The following FOXB1 variants were observed in gnomAD, a reference collection of about 807,000 sequenced individuals.
FOXB1 encodes forkhead box B1.
A neutral mutation model predicts 18.6 loss-of-function variants in FOXB1; 6 were observed. The ratio of observed to expected loss-of-function variants is 0.32; its 90% CI spans 0.18 to 0.64. FOXB1 has a LOEUF of 0.64. Among genes scored for constraint, FOXB1 ranks in the 30% least tolerant of loss-of-function variants. The pLI is 0.78. For missense variants in FOXB1, 419 were observed against 463.6 expected (o/e 0.90, Z 0.88); for synonymous variants, 213 against 216.0 (o/e 0.99, Z 0.12).
Position 60,005,446 on chromosome 15 carries a change from G to A in FOXB1, c.483G>A (p.Ala161=), listed in dbSNP as rs1435065903. 1 of 1,611,080 alleles carries A rather than the reference G, an allele frequency of 6.2e-7. No homozygotes were observed. The highest frequency in any genetic ancestry group is 2.2e-5 in the East Asian group (1 of 44,832). The stretch of plus-strand genomic sequence containing the variant: ...CCGCCTACAACTTGGGCGGCGTGGC[G>A]CAGCCCTCGGGCTTCAAGCACCCCT... The part of the protein sequence containing the change: ...PAAAYNLGGV[A]QPSGFKHPFA... Residue 161 remains alanine, a synonymous_variant, in exon 2 of 2, where the codon GCG becomes GCA. Transcript: ENST00000396057. The surrounding 1 kb of genome is among the most constrained non-coding windows in gnomAD (Gnocchi z 9.8).
At position 60,005,943 on chromosome 15, in the gene FOXB1, C is replaced by T. The variant is rs1168894941; in HGVS notation, c.*2C>T. ...TTGCACTCGGTGGCGGTGCACTGAC[C>T]CGCAGGAGCCCACGCCCCCTCTCGT... On this transcript the variant is annotated 3_prime_UTR_variant, in exon 2 of 2. Transcript: ENST00000396057. The surrounding 1 kb of genome is among the most constrained non-coding windows in gnomAD (Gnocchi z 9.8). 3 of 1,576,012 alleles carry T rather than the reference C, an allele frequency of 1.9e-6. No homozygotes were observed. The highest frequency in any genetic ancestry group is 2.6e-6 in the Non-Finnish European group (3 of 1,166,524).
rs1892092785 is a variant in FOXB1 at position 60,006,024 on chromosome 15, C to G, written c.*83C>G. Reference sequence around the variant, plus strand: ...TGGCTCCCAGTCCTGCCGGCCCCCACCTGGGACCGCCACCCTAACTTGTTC... The same window carrying G: ...TGGCTCCCAGTCCTGCCGGCCCCCAGCTGGGACCGCCACCCTAACTTGTTC... On this transcript the variant is annotated 3_prime_UTR_variant, in exon 2 of 2. Coordinates refer to ENST00000396057, the MANE Select transcript of FOXB1 (RefSeq NM_012182.3). 4 of 1,409,506 alleles carry G rather than the reference C, an allele frequency of 2.8e-6. No individual in the cohort carries two copies. The highest frequency in any genetic ancestry group is 3.8e-6 in the Non-Finnish European group (4 of 1,065,414). The allele number at this position is 1,409,506 out of a possible 1,614,324, so 87.3% of individuals were successfully genotyped here.
rs552014813 is a variant in FOXB1 at position 60,006,620 on chromosome 15, A to G, written c.*679A>G. ...GGCTCCAGGCGCTGGGAGTTAGGAA[A>G]GAGGCTGCCAAGCTGAGAAAGCGAC... On this transcript the variant is annotated 3_prime_UTR_variant, in exon 2 of 2. Transcript: ENST00000396057. The G allele has an allele frequency of 6.6e-6, 1 of 152,172 alleles. No individual in the cohort carries two copies. The highest frequency in any genetic ancestry group is 1.5e-5 in the Non-Finnish European group (1 of 68,044). 9.4% of individuals were successfully genotyped at this position (152,172 alleles called of 1,614,324 possible).
Position 60,006,485 on chromosome 15 carries a change from C to G in FOXB1, c.*544C>G, listed in dbSNP as rs532545886. The G allele has an allele frequency of 6.5e-6, 1 of 152,818 alleles. No individual in the cohort carries two copies. The highest frequency in any genetic ancestry group is 2.1e-4 in the South Asian group (1 of 4,846). The allele number at this position is 152,818 out of a possible 1,614,324, so 9.5% of individuals were successfully genotyped here. A position where few individuals can be genotyped will look rare whatever the true frequency, so the allele number is the denominator to read the frequency against. On this transcript the variant is annotated 3_prime_UTR_variant, in exon 2 of 2. Coordinates refer to ENST00000396057, the MANE Select transcript of FOXB1 (RefSeq NM_012182.3). Reference sequence around the variant, plus strand: ...ACTAATCTTCCTACCCCACTCGCCTCCGCCCATCCGGCAGGGGCTGGGCCG... The same window carrying G: ...ACTAATCTTCCTACCCCACTCGCCTGCGCCCATCCGGCAGGGGCTGGGCCG...
rs754792644 is a variant in FOXB1 at position 60,005,389 on chromosome 15, C to T, written c.426C>T (p.Ala142=). Reference sequence around the variant, plus strand: ...AGCTGCGGCTCAGCGCGCTGGCGGCCTCGGGCACGCACCTGCCACAGATGC... The same window carrying T: ...AGCTGCGGCTCAGCGCGCTGGCGGCTTCGGGCACGCACCTGCCACAGATGC... ...QAKLRLSALA[A]SGTHLPQMPA... is the part of the protein sequence containing the mutation. The change falls in exon 2 of 2, where the codon GCC becomes GCT. Residue 142 remains alanine, a synonymous_variant. Transcript: ENST00000396057. This position sits in a 1 kb window ranked among gnomAD's most constrained non-coding sequence, Gnocchi z 9.8. 1.9e-6 allele frequency: 3 copies of T among 1,600,562 alleles called. No individual in the cohort carries two copies. Among genetic ancestry groups the T allele is most frequent in the South Asian group, 2.2e-5 (2 of 90,010 alleles).
chr15:60,006,033 G>T lies in FOXB1; in HGVS notation c.*92G>T. On this transcript the variant is annotated 3_prime_UTR_variant, in exon 2 of 2. Coordinates refer to ENST00000396057, the MANE Select transcript of FOXB1 (RefSeq NM_012182.3). The stretch of plus-strand genomic sequence containing the variant: ...GTCCTGCCGGCCCCCACCTGGGACC[G>T]CCACCCTAACTTGTTCATTTCACCT... The T allele has an allele frequency of 7.2e-7, 1 of 1,395,888 alleles. No homozygotes were observed. The highest frequency in any genetic ancestry group is 1.4e-5 in the South Asian group (1 of 69,936). 86.5% of individuals were successfully genotyped at this position (1,395,888 alleles called of 1,614,324 possible). A position where few individuals can be genotyped will look rare whatever the true frequency, so the allele number is the denominator to read the frequency against.
chr15:60,005,013 C>A lies in FOXB1; in HGVS notation c.50C>A (p.Ser17Ter). 1 of 1,614,088 alleles carries A rather than the reference C, an allele frequency of 6.2e-7. No individual in the cohort carries two copies. Among genetic ancestry groups the A allele is most frequent in the Non-Finnish European group, 8.5e-7 (1 of 1,180,004 alleles). Residue 17 changes from serine to a stop codon, truncating the protein, a stop_gained, in exon 2 of 2, where the codon TCG becomes TAG. Transcript: ENST00000396057. LOFTEE classifies it high-confidence loss of function. This position sits in a 1 kb window ranked among gnomAD's most constrained non-coding sequence, Gnocchi z 9.8. ...TACAGCGACCAGAAGCCGCCCTACT[C>A]GTACATCTCGCTGACCGCTATGGCC... ...NTYSDQKPPYSYISLTAMAIQ... is the reference protein window; with the variant it reads ...NTYSDQKPPY
chr15:60,006,882 G>C lies in FOXB1; in HGVS notation c.*941G>C, dbSNP rs1269134616. On this transcript the variant is annotated 3_prime_UTR_variant, in exon 2 of 2. Coordinates refer to ENST00000396057, the MANE Select transcript of FOXB1 (RefSeq NM_012182.3). ...GGGATGTTAACTTTCCGATGACTTA[G>C]AGACCTTTTTAGCTATTTATTTTAT... The C allele has an allele frequency of 2.1e-5, 3 of 143,064 alleles. No homozygotes were observed. The highest frequency in any genetic ancestry group is 8.0e-5 in the African/African-American group (3 of 37,586). 8.9% of individuals were successfully genotyped at this position (143,064 alleles called of 1,614,324 possible). A position where few individuals can be genotyped will look rare whatever the true frequency, so the allele number is the denominator to read the frequency against.
rs1244670120 is a variant in FOXB1 at position 60,005,578 on chromosome 15, T to TACC, written c.617_619dup (p.Thr206dup). 1.2e-6 allele frequency: 2 copies of TACC among 1,608,642 alleles called. No homozygotes were observed. Among genetic ancestry groups the TACC allele is most frequent in the Non-Finnish European group, 1.7e-6 (2 of 1,178,196 alleles). On this transcript the variant is annotated inframe_insertion, in exon 2 of 2. Coordinates refer to ENST00000396057, the MANE Select transcript of FOXB1 (RefSeq NM_012182.3). The surrounding 1 kb of genome is among the most constrained non-coding windows in gnomAD (Gnocchi z 9.8). The stretch of plus-strand genomic sequence containing the variant: ...CCTACCCGCTCCCCAACCAGTTGAC[T>TACC]ACCATGGGCAGCTCGCTGGGCACCG...
At position 60,005,542 on chromosome 15, in the gene FOXB1, G is replaced by T. The variant is rs1376689175; in HGVS notation, c.579G>T (p.Pro193=). 6.8e-6 allele frequency: 11 copies of T among 1,609,370 alleles called. 1 individual carries two copies. The East Asian group carries it at 1.8e-4, about 26-fold the overall frequency. The part of the protein sequence containing the change: ...PGGLAFSAMQ[P]VPAAYPLPNQ... ...GGCTGGCCTTCTCCGCCATGCAGCC[G>T]GTGCCCGCTGCCTACCCGCTCCCCA... is the stretch of plus-strand genomic sequence containing the variant. Residue 193 remains proline (P), a synonymous_variant, in exon 2 of 2, where the codon CCG becomes CCT. Transcript: ENST00000396057. The surrounding 1 kb of genome is among the most constrained non-coding windows in gnomAD (Gnocchi z 9.8).
In FOXB1 at chr15:60,004,440, C is replaced by T. The variant is rs1892063935; in HGVS notation, c.-261C>T. 1 of 152,104 alleles carries T rather than the reference C, an allele frequency of 6.6e-6. No homozygotes were observed. Among genetic ancestry groups the T allele is most frequent in the African/African-American group, 2.4e-5 (1 of 41,398 alleles). 9.4% of individuals were successfully genotyped at this position (152,104 alleles called of 1,614,324 possible). ...CGCGCCGGGACTCCGCAGCCGAGCT[C>T]GGCCGCCCGCAGGACGCTCCAGGAG... On this transcript the variant is annotated 5_prime_UTR_variant, in exon 1 of 2. Coordinates refer to ENST00000396057, the MANE Select transcript of FOXB1 (RefSeq NM_012182.3).
Position 60,005,878 on chromosome 15 carries a change from C to A in FOXB1, c.915C>A (p.Pro305=). 6.3e-7 allele frequency: 1 copy of A among 1,598,138 alleles called. No homozygotes were observed. ...SSQTATSQSS[P]ATPSETLTSP... is the part of the protein sequence containing the mutation. Reference sequence around the variant, plus strand: ...AAACAGCCACCAGCCAAAGCAGCCCCGCCACCCCCAGCGAAACGCTCACCA... The same window carrying A: ...AAACAGCCACCAGCCAAAGCAGCCCAGCCACCCCCAGCGAAACGCTCACCA... The change falls in exon 2 of 2, where the codon CCC becomes CCA. Residue 305 remains proline (P), a synonymous_variant. Coordinates refer to ENST00000396057, the MANE Select transcript of FOXB1 (RefSeq NM_012182.3). This position sits in a 1 kb window ranked among gnomAD's most constrained non-coding sequence, Gnocchi z 9.8.
rs374559880 is a variant in FOXB1 at position 60,005,581 on chromosome 15, C to T, written c.618C>T (p.Thr206=). The change falls in exon 2 of 2, where the codon ACC becomes ACT. Residue 206 remains threonine (T), a synonymous_variant. Transcript: ENST00000396057. The surrounding 1 kb of genome is among the most constrained non-coding windows in gnomAD (Gnocchi z 9.8). ...ACCCGCTCCCCAACCAGTTGACTACCATGGGCAGCTCGCTGGGCACCGGCT... is the reference window on the plus strand; with the variant it reads ...ACCCGCTCCCCAACCAGTTGACTACTATGGGCAGCTCGCTGGGCACCGGCT... The part of the protein sequence containing the change: ...AAYPLPNQLT[T]MGSSLGTGWP... The T allele has an allele frequency of 7.7e-5, 124 of 1,608,684 alleles. No homozygotes were observed. Among genetic ancestry groups the T allele is most frequent in the Non-Finnish European group, 1.0e-4 (118 of 1,178,346 alleles).
In FOXB1 at chr15:60,007,065, C is replaced by G. The variant is rs1025158614; in HGVS notation, c.*1124C>G. ...TCCCACGGACAAGTCTTTCTGTTTG[C>G]TACCAGAACTTTTCCAAGAAGCTAA... On this transcript the variant is annotated 3_prime_UTR_variant, in exon 2 of 2. Transcript: ENST00000396057. 5.9e-5 allele frequency: 9 copies of G among 152,110 alleles called. No individual in the cohort carries two copies. Among genetic ancestry groups the G allele is most frequent in the Non-Finnish European group, 1.2e-4 (8 of 68,012 alleles). The allele number at this position is 152,110 out of a possible 1,614,324, so 9.4% of individuals were successfully genotyped here. A position where few individuals can be genotyped will look rare whatever the true frequency, so the allele number is the denominator to read the frequency against.
In FOXB1 at chr15:60,005,845, G is replaced by A; in HGVS notation, c.882G>A (p.Thr294=). 1 of 1,602,518 alleles carries A rather than the reference G, an allele frequency of 6.2e-7. No homozygotes were observed. The highest frequency in any genetic ancestry group is 8.5e-7 in the Non-Finnish European group (1 of 1,175,726). The change falls in exon 2 of 2, where the codon ACG becomes ACA. Residue 294 remains threonine, a synonymous_variant. Transcript: ENST00000396057. The surrounding 1 kb of genome is among the most constrained non-coding windows in gnomAD (Gnocchi z 9.8). Reference sequence around the variant, plus strand: ...ACTCGCCGCCCTCGCTCAGCCCCACGTCCTCGCAAACAGCCACCAGCCAAA... The same window carrying A: ...ACTCGCCGCCCTCGCTCAGCCCCACATCCTCGCAAACAGCCACCAGCCAAA... ...LSNSPPSLSP[T]SSQTATSQSS... is the part of the protein sequence containing the mutation.
In FOXB1 at chr15:60,007,325, T is replaced by C. The variant is rs999766579; in HGVS notation, c.*1384T>C. Reference sequence around the variant, plus strand: ...CAGAATTAGCGTGGCATTTTAAATATTGATGTTCTTGTTCCCAGCATGCCT... The same window carrying C: ...CAGAATTAGCGTGGCATTTTAAATACTGATGTTCTTGTTCCCAGCATGCCT... On this transcript the variant is annotated 3_prime_UTR_variant, in exon 2 of 2. Transcript: ENST00000396057. The C allele has an allele frequency of 3.3e-5, 5 of 152,202 alleles. 1 individual carries two copies. In the South Asian group the frequency reaches 8.3e-4, roughly 25 times the overall value. 9.4% of individuals were successfully genotyped at this position (152,202 alleles called of 1,614,324 possible).
chr15:60,005,874 GC>G lies in FOXB1; in HGVS notation c.915del (p.Ala306ProfsTer195). ...TCGCAAACAGCCACCAGCCAAAGCA[GC>G]CCCGCCACCCCCAGCGAAACGCTCA... ...TSSQTATSQS[S>X]PATPSETLTS... On this transcript the variant is annotated frameshift_variant, in exon 2 of 2. Transcript: ENST00000396057. LOFTEE classifies it high-confidence loss of function. The surrounding 1 kb of genome is among the most constrained non-coding windows in gnomAD (Gnocchi z 9.8). The G allele has an allele frequency of 6.3e-7, 1 of 1,597,582 alleles. No homozygotes were observed. The highest frequency in any genetic ancestry group is 2.3e-5 in the East Asian group (1 of 43,894).
rs981569012 is a variant in FOXB1, at chr15:60,006,257, C to A, written c.*316C>A. The A allele has an allele frequency of 4.4e-5, 18 of 409,948 alleles. No homozygotes were observed. Among genetic ancestry groups the A allele is most frequent in the Non-Finnish European group, 7.8e-5 (18 of 231,436 alleles). 25.4% of individuals were successfully genotyped at this position (409,948 alleles called of 1,614,324 possible). A position where few individuals can be genotyped will look rare whatever the true frequency, so the allele number is the denominator to read the frequency against. On this transcript the variant is annotated 3_prime_UTR_variant, in exon 2 of 2. Transcript: ENST00000396057. ...TTGACCGGCGGGGGAAACCCTGTCA[C>A]CCCCTCTTCGCCGAGAAAAGCGCGT...
At position 60,005,664 on chromosome 15, in the gene FOXB1, C is replaced by G; in HGVS notation, c.701C>G (p.Ala234Gly). The G allele has an allele frequency of 6.2e-7, 1 of 1,608,004 alleles. No homozygotes were observed. Among genetic ancestry groups the G allele is most frequent in the Non-Finnish European group, 8.5e-7 (1 of 1,179,036 alleles). ...MIDSATPISM[A>G]SGDYSAYGVP... ...GACTCGGCCACCCCCATCTCCATGG[C>G]GAGTGGCGACTACAGCGCCTACGGC... The change falls in exon 2 of 2, where the codon GCG becomes GGG. Residue 234 changes from alanine (A) to glycine (G), a missense_variant. Transcript: ENST00000396057. This position sits in a 1 kb window ranked among gnomAD's most constrained non-coding sequence, Gnocchi z 9.8.
Sources: gnomAD v4.1 joint callset for allele counts on GRCh38, gnomAD v4.1.1 for gene constraint, Gnocchi (gnomAD v3.1) non-coding constraint, MANE v1.5 for transcripts, NCBI Gene and HGNC (gene_info 2026-07-23, HGNC 2026-07-21) for gene names.